The following SYN3 variants were observed in gnomAD, a reference collection of about 807,000 sequenced individuals.
SYN3 encodes the protein synapsin III.
Under a neutral mutation model 65.8 loss-of-function variants are expected in SYN3, and 35 were observed. The ratio of observed to expected loss-of-function variants is 0.53; its 90% CI spans 0.41 to 0.70. The LOEUF (loss-of-function observed/expected upper bound fraction) is 0.70, where lower values mean the gene tolerates loss of function less well. Among genes scored for constraint, SYN3 ranks in the 30% least tolerant of loss-of-function variants. The pLI is 0.00. For missense variants in SYN3, 680 were observed against 749.0 expected, an observed-to-expected ratio of 0.91 and a Z score of 1.08; for synonymous variants, 270 against 292.9, an observed-to-expected ratio of 0.92 and a Z score of 0.80.
At chr22:32,915,083 G>GT (rs1356557858) in intron 4 of SYN3, among the ~76,000 whole-genome samples, 2 of 152,054 alleles carry the variant, frequency 1.3e-5, no homozygotes, top group African/African-American at 4.8e-5. Flanking sequence ...GAGAACACAT[G>GT]GACACAGGGA....
intron 6 of SYN3, among the ~76,000 whole-genome samples, chr22:32,856,542 T>C (rs1601553423): frequency 6.6e-6 from 1 of 152,158 alleles, no homozygotes; most frequent in African/African-American, 2.4e-5. Flanking sequence ...TATTGATACA[T>C]AATAAATGGA....
intron 10 of SYN3, among the ~76,000 whole-genome samples, chr22:32,530,550 G>T (rs951209592): frequency 6.6e-6 from 1 of 151,558 alleles, no homozygotes; most frequent in Non-Finnish European, 1.5e-5. Flanking sequence ...CTGTGATCTT[G>T]GGCAAGTTTC....
intron 3 of SYN3, among the ~76,000 whole-genome samples, chr22:32,955,799 G>A (rs887441025): frequency 2.0e-5 from 3 of 151,890 alleles, no homozygotes; most frequent in Non-Finnish European, 4.4e-5. Context: ...CCTTAATCTG[G>A]GTGGGCACCA....
intron 7 of SYN3, among the ~76,000 whole-genome samples, chr22:32,582,182 G>A (rs2058958101): frequency 6.6e-6 from 1 of 152,114 alleles, no homozygotes. Context: ...GGATGGCCTC[G>A]AACTCCCAGC....
chr22:32,603,524 T>A (rs1601736229), intron 6 of SYN3, among the ~76,000 whole-genome samples: 3 of 124,634 alleles, frequency 2.4e-5, no homozygotes, highest in Admixed American at 7.7e-5. Context: ...CGAGACTCCG[T>A]CTCAAAAAAA....
At chr22:32,581,633 T>C (rs1313690022) in intron 7 of SYN3, among the ~76,000 whole-genome samples, 1 of 152,178 alleles carries the variant, frequency 6.6e-6, no homozygotes, top group Non-Finnish European at 1.5e-5. Flanking sequence ...CTCCCTAAGA[T>C]ACCCTAAGTG....
Position 32,508,630 on chromosome 22 carries a change from C to T in SYN3, c.*5062G>A, listed in dbSNP as rs2146022395. Among the ~76,000 whole-genome samples the T allele has an allele frequency of 6.6e-6, 1 of 152,296 alleles. No homozygotes were observed. Among genetic ancestry groups the T allele is most frequent in the African/African-American group, 2.4e-5 (1 of 41,560 alleles). ...ATCTTCTTCCGCTTCTTTTCTCTATCTCATTTTACTGGGTTTTGGTTTGTT... is the reference window on the plus strand; with the variant it reads ...ATCTTCTTCCGCTTCTTTTCTCTATTTCATTTTACTGGGTTTTGGTTTGTT... On this transcript the variant is annotated 3_prime_UTR_variant, in exon 14 of 14. Coordinates refer to ENST00000358763, the MANE Select transcript of SYN3 (RefSeq NM_003490.4).
chr22:32,993,190 G>C (rs2052772777), intron 2 of SYN3, among the ~76,000 whole-genome samples: 1 of 152,004 alleles, frequency 6.6e-6, no homozygotes, highest in East Asian at 1.9e-4. Context: ...CCATCTTTCT[G>C]ACACTCAAGC....
At chr22:32,735,383 A>G (rs1203775573) in intron 6 of SYN3, among the ~76,000 whole-genome samples, 2 of 152,224 alleles carry the variant, frequency 1.3e-5, no homozygotes, top group African/African-American at 4.8e-5. Context: ...TAAATTCTCA[A>G]TCAATGCTAG....
At position 32,988,349 on chromosome 22, in the gene SYN3, A is replaced by AATAATAAT. The variant is rs1569382077; in HGVS notation, c.312-7648_312-7647insATTATTAT. On this transcript the variant is annotated intron_variant, in intron 2 of 13. Transcript: ENST00000358763. ...ATAATAATAATAATAATAATAATAA[A>AATAATAAT]ATAAATAGATAAAAAGAAAAGTACT... Among the ~76,000 whole-genome samples the AATAATAAT allele has an allele frequency of 2.4e-5, 3 of 124,580 alleles. No homozygotes were observed. In the East Asian group the frequency reaches 9.4e-4, roughly 39 times the overall value. 81.7% of individuals were successfully genotyped at this position (124,580 alleles called of 152,430 possible). A position where few individuals can be genotyped will look rare whatever the true frequency, so the allele number is the denominator to read the frequency against.
Position 32,801,259 on chromosome 22 carries a change from C to T in SYN3, c.711+63656G>A, listed in dbSNP as rs2046565627. Among the ~76,000 whole-genome samples the T allele has an allele frequency of 6.6e-6, 1 of 152,244 alleles. No individual in the cohort carries two copies. The highest frequency in any genetic ancestry group is 1.5e-5 in the Non-Finnish European group (1 of 68,046). Reference sequence around the variant, plus strand: ...AACTGGAGGGGTAGCAGTTAGCATTCCCCCGCTGGTTCCACCAAGCACAGT... The same window carrying T: ...AACTGGAGGGGTAGCAGTTAGCATTTCCCCGCTGGTTCCACCAAGCACAGT... On this transcript the variant is annotated intron_variant, in intron 6 of 13. Coordinates refer to ENST00000358763, the MANE Select transcript of SYN3 (RefSeq NM_003490.4). This position sits in a 1 kb window ranked among gnomAD's most constrained non-coding sequence, Gnocchi z 4.7.
chr22:32,993,259 G>A (rs1469653531), intron 2 of SYN3, among the ~76,000 whole-genome samples: 1 of 152,008 alleles, frequency 6.6e-6, no homozygotes, highest in East Asian at 1.9e-4. Context: ...GGGGATCCAG[G>A]GACCCAACAG....
At chr22:32,677,441 G>A (rs1160179113) in intron 6 of SYN3, among the ~76,000 whole-genome samples, 2 of 152,126 alleles carry the variant, frequency 1.3e-5, no homozygotes, top group Non-Finnish European at 2.9e-5. Flanking sequence ...AATAAATTGT[G>A]GCTCAATCAC....
intron 4 of SYN3, among the ~76,000 whole-genome samples, chr22:32,903,519 G>T (rs902145985): frequency 6.6e-6 from 1 of 152,160 alleles, no homozygotes; most frequent in African/African-American, 2.4e-5. Context: ...TTGTGGGTAG[G>T]GGGAGGGGGC....
chr22:32,704,388 G>T (rs1425643572), intron 6 of SYN3, among the ~76,000 whole-genome samples: 1 of 152,148 alleles, frequency 6.6e-6, no homozygotes, highest in Non-Finnish European at 1.5e-5. Context: ...TCCTGCAAAG[G>T]ACATGATCTC....
chr22:32,657,259 G>C (rs1432372130), intron 6 of SYN3, among the ~76,000 whole-genome samples: 2 of 152,098 alleles, frequency 1.3e-5, no homozygotes, highest in Non-Finnish European at 2.9e-5. Flanking sequence ...GAGTAGCTGG[G>C]ACTACAGGCA....
chr22:32,643,636 A>G (rs865856219), intron 6 of SYN3, among the ~76,000 whole-genome samples: 3 of 151,976 alleles, frequency 2.0e-5, no homozygotes, highest in Middle Eastern at 3.4e-3. Flanking sequence ...GTAGAAATAA[A>G]TCAGAAGACC....
chr22:33,013,805 G>A (rs796608188), intron 1 of SYN3, among the ~76,000 whole-genome samples: 1 of 152,140 alleles, frequency 6.6e-6, no homozygotes, highest in East Asian at 1.9e-4. Context: ...CCACTTACAA[G>A]TGAGATCATG....
intron 6 of SYN3, among the ~76,000 whole-genome samples, chr22:32,724,821 G>C (rs1370363483): frequency 6.6e-6 from 1 of 152,020 alleles, no homozygotes; most frequent in Non-Finnish European, 1.5e-5. Context: ...GAGAGGAGTA[G>C]GCCAAACACC....
Sources: allele counts gnomAD v4.1 joint callset (sites outside exome capture counted in the v4.1 genomes callset), GRCh38; gene constraint gnomAD v4.1.1; non-coding constraint Gnocchi (gnomAD v3.1); transcripts MANE v1.5; gene names NCBI Gene and HGNC (gene_info 2026-07-23, HGNC 2026-07-21).